IL17B: variants seen among roughly 807,000 people sequenced by gnomAD.
IL17B encodes the protein interleukin 17B.
IL17B carries 14 observed loss-of-function variants against 14.7 expected under a neutral mutation model. The ratio of observed to expected loss-of-function variants is 0.95; its 90% CI spans 0.63 to 1.49. The LOEUF is 1.49. Among genes scored for constraint, IL17B ranks in the 40% most tolerant of loss-of-function variants. The probability of loss-of-function intolerance (pLI) is 0.00; values close to 1 mark genes in which losing one functional copy is unlikely to be tolerated. For synonymous variants in IL17B, 105 were observed against 94.8 expected (o/e 1.11, Z -0.62); for missense variants, 233 against 252.8 (o/e 0.92, Z 0.53).
intron 2 of IL17B, 97 bp downstream of exon 2, chr5:149,376,639 C>A: frequency 6.8e-7 from 1 of 1,474,332 alleles, no homozygotes; most frequent in South Asian, 1.4e-5. Flanking sequence ...CCCAAGCACC[C>A]AGACCTCTGA....
At chr5:149,394,106 A>C (rs956933658) in intron 1 of IL17B, among the ~76,000 whole-genome samples, 2 of 152,224 alleles carry the variant, frequency 1.3e-5, no homozygotes, top group African/African-American at 4.8e-5. Context: ...CCACAGTAAG[A>C]TAGGCAATAA....
In IL17B at chr5:149,376,938, G is replaced by A. The variant is rs758559885; in HGVS notation, c.109C>T (p.Pro37Ser). 3 of 1,613,074 alleles carry A rather than the reference G, an allele frequency of 1.9e-6. No homozygotes were observed. In the South Asian group the frequency reaches 3.3e-5, roughly 18 times the overall value. The change falls in exon 2 of 3, where the codon CCC (proline) becomes TCC (serine). Residue 37 changes from proline to serine, a missense_variant. Transcript: ENST00000261796. ...SKRKGQGRPG[P>S]LAPGPHQVPL... ...ACCTGGTGAGGGCCAGGGGCCAGGG[G>A]CCCAGGCCGCCCTTGCCCCTTCCTC...
Position 149,390,228 on chromosome 5 carries a change from CCCT to C in IL17B, n.96-13206_96-13204del, listed in dbSNP as rs1438430511. Among the ~76,000 whole-genome samples, 540 of 146,560 alleles carry C rather than the reference CCCT, an allele frequency of 3.7e-3. 11 individuals carry two copies. The highest frequency in any genetic ancestry group is 0.013 in the African/African-American group (521 of 39,026). On this transcript the variant is annotated intron_variant and non_coding_transcript_variant, in intron 1 of 2. Transcript: ENST00000505432. The stretch of plus-strand genomic sequence containing the variant: ...TACTGGTATTAGTGACCCCCCCCCT[CCCT>C]GTCCCTGGGGAAAGATGGGTCAGGG...
chr5:149,379,322 TAGCTCAA>T, upstream of IL17B: 1 of 1,447,656 alleles, frequency 6.9e-7, no homozygotes. Flanking sequence ...GAAGCAATTA[TAGCTCAA>T]CTGGGGGCTG....
At chr5:149,395,742 G>A (rs559290676) in intron 1 of IL17B, among the ~76,000 whole-genome samples, 18 of 152,060 alleles carry the variant, frequency 1.2e-4, no homozygotes, top group Non-Finnish European at 2.1e-4. Context: ...GTGCAATCTC[G>A]GCTCACTGCA....
chr5:149,399,830 G>T (rs908192635), intron 1 of IL17B, among the ~76,000 whole-genome samples: 1 of 152,176 alleles, frequency 6.6e-6, no homozygotes, highest in Non-Finnish European at 1.5e-5. Flanking sequence ...ACCAGGGTTG[G>T]GTGGCAGACA....
chr5:149,383,388 G>A (rs1163341773), upstream of IL17B, among the ~76,000 whole-genome samples: 1 of 152,224 alleles, frequency 6.6e-6, no homozygotes, highest in Non-Finnish European at 1.5e-5. Context: ...CCACCCTAGA[G>A]CGTTGGCAAG....
intron 1 of IL17B, among the ~76,000 whole-genome samples, chr5:149,387,807 A>C (rs1361620073): frequency 1.3e-5 from 2 of 151,838 alleles, no homozygotes; most frequent in African/African-American, 2.4e-5. Flanking sequence ...GGAAAGAAAA[A>C]GAACACTTTT....
intron 1 of IL17B, among the ~76,000 whole-genome samples, chr5:149,378,092 C>T (rs1049246973): frequency 3.3e-5 from 5 of 151,406 alleles, no homozygotes; most frequent in Admixed American, 1.3e-4. Flanking sequence ...TGCAGTGAGC[C>T]GAGATCACAC....
chr5:149,388,216 C>T (rs575091151), intron 1 of IL17B, among the ~76,000 whole-genome samples: 1 of 152,352 alleles, frequency 6.6e-6, no homozygotes, highest in East Asian at 1.9e-4. Flanking sequence ...TGACCCTGAT[C>T]TTTCTCTCCC....
At chr5:149,402,576 T>C (rs1385470330) in intron 1 of IL17B, among the ~76,000 whole-genome samples, 1 of 150,008 alleles carries the variant, frequency 6.7e-6, no homozygotes, top group African/African-American at 2.5e-5. Context: ...AAATTCAACC[T>C]CCAGCAGGGC....
chr5:149,403,928 GAGA>G (rs142440432), intron 1 of IL17B, among the ~76,000 whole-genome samples: 2 of 152,270 alleles, frequency 1.3e-5, no homozygotes, highest in Non-Finnish European at 2.9e-5. Flanking sequence ...TCACTCTGTA[GAGA>G]AGTAGAGCCG....
chr5:149,400,344 G>A (rs1759181660), intron 1 of IL17B, among the ~76,000 whole-genome samples: 1 of 152,174 alleles, frequency 6.6e-6, no homozygotes, highest in African/African-American at 2.4e-5. Context: ...AGGAGGCCTG[G>A]AACAGATTCT....
Position 149,374,836 on chromosome 5 carries a change from T to G in IL17B, c.312-236A>C. 2.0e-6 allele frequency: 1 copy of G among 492,050 alleles called. No homozygotes were observed. The highest frequency in any genetic ancestry group is 3.7e-6 in the Non-Finnish European group (1 of 273,738). 30.5% of individuals were successfully genotyped at this position (492,050 alleles called of 1,614,324 possible). A position where few individuals can be genotyped will look rare whatever the true frequency, so the allele number is the denominator to read the frequency against. On this transcript the variant is annotated intron_variant, in intron 2 of 2. Coordinates refer to ENST00000261796, the MANE Select transcript of IL17B (RefSeq NM_014443.3). This position sits in a 1 kb window ranked among gnomAD's most constrained non-coding sequence, Gnocchi z 5.0. ...GCTTCAAGGTCACCAGTCACCCAGC[T>G]TCCTTCTTTCGTGCAGCCAGATGCC...
At chr5:149,387,644 T>A (rs1193503483) in intron 1 of IL17B, among the ~76,000 whole-genome samples, 2 of 134,240 alleles carry the variant, frequency 1.5e-5, no homozygotes, top group African/African-American at 2.8e-5. Context: ...CGTGGTGGCA[T>A]GCATCTGTAG....
At chr5:149,381,229 C>T (rs1339982158), upstream of IL17B, among the ~76,000 whole-genome samples, 1 of 152,250 alleles carries the variant, frequency 6.6e-6, no homozygotes, top group Non-Finnish European at 1.5e-5. Context: ...CCTCCCCAAG[C>T]CAGGACTGAC....
At chr5:149,385,147 A>T (rs62378150) in intron 1 of IL17B, among the ~76,000 whole-genome samples, 1 of 151,388 alleles carries the variant, frequency 6.6e-6, no homozygotes, top group Admixed American at 6.6e-5. Flanking sequence ...TTCCTGACCT[A>T]GAGTTCGACA....
At chr5:149,394,966 T>A (rs1759061436) in intron 1 of IL17B, among the ~76,000 whole-genome samples, 1 of 152,206 alleles carries the variant, frequency 6.6e-6, no homozygotes, top group Admixed American at 6.5e-5. Flanking sequence ...CATTATTTCA[T>A]CACCCAGGTA....
intron 1 of IL17B, among the ~76,000 whole-genome samples, chr5:149,397,294 C>A (rs1484479132): frequency 6.6e-6 from 1 of 152,096 alleles, no homozygotes. Context: ...CTCAGCCTCC[C>A]GAGTAGCAGG....
Sources: gnomAD v4.1 joint callset for allele counts (sites outside exome capture counted in the v4.1 genomes callset) on GRCh38, gnomAD v4.1.1 for gene constraint, Gnocchi (gnomAD v3.1) non-coding constraint, MANE v1.5 for transcripts, NCBI Gene and HGNC (gene_info 2026-07-23, HGNC 2026-07-21) for gene names.